Variants in GLCE observed in about 807,000 individuals in gnomAD.
The protein encoded by GLCE is D-glucuronyl C5-epimerase.
GLCE carries 19 observed loss-of-function variants against 47.9 expected under a neutral mutation model. The observed-to-expected ratio is 0.40, with a 90% CI of 0.28 to 0.58. GLCE has a LOEUF of 0.58. GLCE is among the 20% of genes least tolerant of loss of function. The pLI is 0.48. For synonymous variants in GLCE, 245 were observed against 263.4 expected (o/e 0.93, Z 0.68); for missense variants, 556 against 743.3 (o/e 0.75, Z 2.93).
intron 2 of GLCE, among the ~76,000 whole-genome samples, chr15:69,236,990 A>AC (rs1323066813): frequency 4.6e-5 from 7 of 152,276 alleles, no homozygotes; most frequent in African/African-American, 1.7e-4. Flanking sequence ...CATTCTGTTA[A>AC]CTATTAATTA....
Position 69,270,294 on chromosome 15 carries a change from T to C in GLCE, c.*1050T>C, listed in dbSNP as rs2053147438. The C allele has an allele frequency of 1.3e-5, 2 of 152,166 alleles. No homozygotes were observed. Among genetic ancestry groups the C allele is most frequent in the South Asian group, 2.1e-4 (1 of 4,820 alleles). 9.4% of individuals were successfully genotyped at this position (152,166 alleles called of 1,614,324 possible). On this transcript the variant is annotated 3_prime_UTR_variant, in exon 5 of 5. Transcript: ENST00000261858. Reference sequence around the variant, plus strand: ...ATTCTTGATCATCAGCTTCCCAAACTAGTAAGTCTGTGCATCATTGGGTGT... The same window carrying C: ...ATTCTTGATCATCAGCTTCCCAAACCAGTAAGTCTGTGCATCATTGGGTGT...
chr15:69,267,843 C>CTTTTTTTTTTTTTTTT, intron 4 of GLCE, among the ~76,000 whole-genome samples: 1 of 140,544 alleles, frequency 7.1e-6, no homozygotes, highest in Non-Finnish European at 1.5e-5. Flanking sequence ...CAGGTTTTGG[C>CTTTTTTTTTTTTTTTT]TTTTTTTTTT....
intron 2 of GLCE, among the ~76,000 whole-genome samples, chr15:69,217,493 G>C (rs973100956): frequency 3.9e-5 from 6 of 151,914 alleles, no homozygotes; most frequent in African/African-American, 1.2e-4. Flanking sequence ...TATTTGTTCT[G>C]TAAGGCCTTG....
chr15:69,249,624 C>T (rs1487498295), intron 2 of GLCE, among the ~76,000 whole-genome samples: 2 of 151,946 alleles, frequency 1.3e-5, no homozygotes, highest in Non-Finnish European at 2.9e-5. Context: ...CTTTGGCCTA[C>T]ATTATTCGAG....
chr15:69,222,343 G>A (rs997749122), intron 2 of GLCE, among the ~76,000 whole-genome samples: 2 of 152,178 alleles, frequency 1.3e-5, no homozygotes, highest in Non-Finnish European at 2.9e-5. Context: ...GGTGGTGGAG[G>A]CACCACGGGC....
intron 3 of GLCE, among the ~76,000 whole-genome samples, chr15:69,257,012 A>G (rs1347268945): frequency 6.6e-6 from 1 of 152,216 alleles, no homozygotes; most frequent in African/African-American, 2.4e-5. Flanking sequence ...AACAGAGGAA[A>G]GAGCTTAATA....
chr15:69,177,496 A>G (rs2140336459), intron 1 of GLCE, among the ~76,000 whole-genome samples: 1 of 152,376 alleles, frequency 6.6e-6, no homozygotes, highest in African/African-American at 2.4e-5. Context: ...TATAACTGGC[A>G]TATAGTGAAT....
chr15:69,243,264 T>A (rs974382226), intron 2 of GLCE, among the ~76,000 whole-genome samples: 7 of 152,088 alleles, frequency 4.6e-5, no homozygotes, highest in African/African-American at 1.7e-4. Flanking sequence ...CAGGTCTCCT[T>A]ATGAGTAAAG....
chr15:69,255,590 GCTAA>G (rs2052909286), intron 2 of GLCE, among the ~76,000 whole-genome samples, 200 bp from the exon 3 acceptor site: 1 of 152,088 alleles, frequency 6.6e-6, no homozygotes, highest in African/African-American at 2.4e-5. Context: ...AGAAGCTTGA[GCTAA>G]CTAAGGATTT....
chr15:69,245,946 C>G (rs377062936), intron 2 of GLCE, among the ~76,000 whole-genome samples: 4 of 152,178 alleles, frequency 2.6e-5, no homozygotes, highest in Non-Finnish European at 5.9e-5. Flanking sequence ...CCAGGCTGCT[C>G]TCGAACTCCT....
At chr15:69,232,380 C>T (rs951815841) in intron 2 of GLCE, among the ~76,000 whole-genome samples, 1 of 151,900 alleles carries the variant, frequency 6.6e-6, no homozygotes, top group Non-Finnish European at 1.5e-5. Context: ...TGTTATATTA[C>T]GAAATGTCTT....
intron 1 of GLCE, among the ~76,000 whole-genome samples, chr15:69,181,797 T>A (rs149314819): frequency 6.6e-6 from 1 of 151,734 alleles, no homozygotes; most frequent in Non-Finnish European, 1.5e-5. Context: ...GTTCAAAGAG[T>A]TTTTTTGTTT....
chr15:69,233,693 C>G (rs2052555583), intron 2 of GLCE, among the ~76,000 whole-genome samples: 1 of 152,100 alleles, frequency 6.6e-6, no homozygotes, highest in African/African-American at 2.4e-5. Context: ...CCCAGGTACC[C>G]TATTAGACTG....
At chr15:69,173,401 C>CTGAGA (rs1465873722) in intron 1 of GLCE, among the ~76,000 whole-genome samples, 2 of 152,112 alleles carry the variant, frequency 1.3e-5, no homozygotes, top group East Asian at 3.9e-4. Context: ...TGACTCAAAT[C>CTGAGA]TGAGATTCTG....
Position 69,172,883 on chromosome 15 carries a change from T to C in GLCE, c.-105+12126T>C, listed in dbSNP as rs144712159. On this transcript the variant is annotated intron_variant, in intron 1 of 4. Coordinates refer to ENST00000261858, the MANE Select transcript of GLCE (RefSeq NM_015554.3). ...AAAATGACAGACTGTATTTAGAAAA[T>C]ATTTGTTACGAAATATGTTATAAGA... 6.6e-3 allele frequency among the ~76,000 whole-genome samples: 998 copies of C among 152,334 alleles called. 10 individuals are homozygous for C. Among genetic ancestry groups the C allele is most frequent in the Middle Eastern group, 0.031 (9 of 294 alleles).
At chr15:69,245,784 A>AG (rs2052737909) in intron 2 of GLCE, among the ~76,000 whole-genome samples, 1 of 152,036 alleles carries the variant, frequency 6.6e-6, no homozygotes, top group Non-Finnish European at 1.5e-5. Flanking sequence ...GCTGGAGTGC[A>AG]GGGGCACCGT....
At chr15:69,229,137 A>G (rs1405033597) in intron 2 of GLCE, among the ~76,000 whole-genome samples, 2 of 152,240 alleles carry the variant, frequency 1.3e-5, no homozygotes, top group African/African-American at 4.8e-5. Flanking sequence ...AAAAAGCAAT[A>G]CTAGACGTAA....
chr15:69,215,791 C>G (rs1255439542), intron 2 of GLCE, among the ~76,000 whole-genome samples: 1 of 152,038 alleles, frequency 6.6e-6, no homozygotes, highest in African/African-American at 2.4e-5. Context: ...TTTATCTGTT[C>G]TAATGTATGT....
chr15:69,225,654 A>C (rs1241721070), intron 2 of GLCE, among the ~76,000 whole-genome samples: 3 of 152,216 alleles, frequency 2.0e-5, no homozygotes, highest in African/African-American at 7.2e-5. Flanking sequence ...TTTGACTTGC[A>C]TACTAAGGAT....
Sources: gnomAD v4.1 joint callset for allele counts (sites outside exome capture counted in the v4.1 genomes callset) on GRCh38, gnomAD v4.1.1 for gene constraint, MANE v1.5 for transcripts, NCBI Gene and HGNC (gene_info 2026-07-23, HGNC 2026-07-21) for gene names.